ZFYVE28: variants seen among roughly 807,000 people sequenced by gnomAD.
The protein encoded by ZFYVE28 is lateral signaling target protein 2 homolog.
A neutral mutation model predicts 82.1 loss-of-function variants in ZFYVE28; 40 were observed. The observed-to-expected ratio is 0.49, with a 90% CI of 0.38 to 0.63. The LOEUF (loss-of-function observed/expected upper bound fraction) is 0.63, where lower values mean the gene tolerates loss of function less well. Among genes scored for constraint, ZFYVE28 ranks in the 30% least tolerant of loss-of-function variants. The pLI, the probability that ZFYVE28 is intolerant of heterozygous loss-of-function variation, is 0.00. For missense variants in ZFYVE28, 1,321 were observed against 1,242.1 expected, an observed-to-expected ratio of 1.06 and a Z score of -0.96; for synonymous variants, 612 against 546.1, an observed-to-expected ratio of 1.12 and a Z score of -1.68.
At position 2,273,234 on chromosome 4, in the gene ZFYVE28, T is replaced by C; in HGVS notation, c.2262A>G (p.Lys754=). The change falls in exon 10 of 13, where the codon AAA becomes AAG. Residue 754 remains lysine (K), a synonymous_variant. Coordinates refer to ENST00000290974, the MANE Select transcript of ZFYVE28 (RefSeq NM_020972.3). The part of the protein sequence containing the change: ...NYASDLRSIL[K]TLFEVMATKP... ...TGGTGGCCATGACCTCAAACAGTGT[T>C]TTAAGAATACTTCTCAGGTCACTGG... is the stretch of plus-strand genomic sequence containing the variant. 1 of 1,613,866 alleles carries C rather than the reference T, an allele frequency of 6.2e-7. No individual in the cohort carries two copies. The highest frequency in any genetic ancestry group is 8.5e-7 in the Non-Finnish European group (1 of 1,179,928).
At chr4:2,298,673 G>A (rs1577961184) in intron 8 of ZFYVE28, among the ~76,000 whole-genome samples, 1 of 152,320 alleles carries the variant, frequency 6.6e-6, no homozygotes, top group East Asian at 1.9e-4. Flanking sequence ...AGGGAAGGGA[G>A]GACTCAAGTA....
intron 2 of ZFYVE28, among the ~76,000 whole-genome samples, chr4:2,348,991 C>G (rs1390053052): frequency 1.3e-5 from 2 of 152,088 alleles, no homozygotes; most frequent in African/African-American, 4.8e-5. Flanking sequence ...GCAAACAACC[C>G]CTTGTTTTCT....
intron 5 of ZFYVE28, among the ~76,000 whole-genome samples, chr4:2,336,194 G>T (rs977487741): frequency 6.6e-6 from 1 of 152,142 alleles, no homozygotes; most frequent in African/African-American, 2.4e-5. Flanking sequence ...CAAAAATACT[G>T]CCCCAAACAA....
At chr4:2,303,665 A>G (rs1489960060) in intron 8 of ZFYVE28, among the ~76,000 whole-genome samples, 2 of 151,212 alleles carry the variant, frequency 1.3e-5, no homozygotes, top group Non-Finnish European at 2.9e-5. Flanking sequence ...GAGATAGGAG[A>G]CCTCCCCATC....
At chr4:2,301,582 T>C (rs968141372) in intron 8 of ZFYVE28, among the ~76,000 whole-genome samples, 1 of 152,126 alleles carries the variant, frequency 6.6e-6, no homozygotes, top group Non-Finnish European at 1.5e-5. Flanking sequence ...GTGTCCATCA[T>C]GGGGCACAGA....
At chr4:2,399,557 G>A (rs976241976) in intron 1 of ZFYVE28, among the ~76,000 whole-genome samples, 2 of 152,188 alleles carry the variant, frequency 1.3e-5, no homozygotes, top group Non-Finnish European at 2.9e-5. Context: ...TCAAAGCCTG[G>A]CACATCATAC....
At position 2,395,731 on chromosome 4, in the gene ZFYVE28, G is replaced by A. The variant is rs73791714; in HGVS notation, c.39+22554C>T. 3.9e-3 allele frequency among the ~76,000 whole-genome samples: 598 copies of A among 152,294 alleles called. 4 individuals carry two copies. Among genetic ancestry groups the A allele is most frequent in the African/African-American group, 0.013 (558 of 41,556 alleles). On this transcript the variant is annotated intron_variant, in intron 1 of 12. Coordinates refer to ENST00000290974, the MANE Select transcript of ZFYVE28 (RefSeq NM_020972.3). ...GAACGCCAGGCCAGAAGAGGTGGCC[G>A]GACCCAACACGCCAGGGACAGCCTT...
intron 7 of ZFYVE28, among the ~76,000 whole-genome samples, chr4:2,310,831 CTTTT>C (rs1036429146): frequency 6.6e-6 from 1 of 152,034 alleles, no homozygotes; most frequent in African/African-American, 2.4e-5. Flanking sequence ...TAGAAAATGT[CTTTT>C]TTTCTATTCC....
intron 2 of ZFYVE28, among the ~76,000 whole-genome samples, chr4:2,350,600 C>G (rs1435220918): frequency 6.6e-6 from 1 of 152,170 alleles, no homozygotes; most frequent in Non-Finnish European, 1.5e-5. Flanking sequence ...CTGGGGGGCC[C>G]TAGACAGCTT....
In ZFYVE28 at chr4:2,293,935, A is replaced by T. The variant is rs545088811; in HGVS notation, c.2051+10354T>A. Among the ~76,000 whole-genome samples, 33 of 152,272 alleles carry T rather than the reference A, an allele frequency of 2.2e-4. No individual in the cohort carries two copies. The South Asian group carries it at 6.8e-3, about 32-fold the overall frequency. ...AAGACCTGTACAGTTAAAAACCATA[A>T]AACTTTGCTGAGATAAATTAAAGGC... On this transcript the variant is annotated intron_variant, in intron 8 of 12. Coordinates refer to ENST00000290974, the MANE Select transcript of ZFYVE28 (RefSeq NM_020972.3).
intron 8 of ZFYVE28, among the ~76,000 whole-genome samples, chr4:2,277,599 A>C (rs994184805): frequency 1.3e-5 from 2 of 152,234 alleles, no homozygotes; most frequent in Non-Finnish European, 2.9e-5. Flanking sequence ...AATAGCATAA[A>C]AAAGATTAAA....
At position 2,339,064 on chromosome 4, in the gene ZFYVE28, G is replaced by A. The variant is rs1023263426; in HGVS notation, c.521+389C>T. ...TCTGACCTCATGATCCGCCTGCCTCGGCCTCTCAACGTGCTGGGATTACAG... is the reference window on the plus strand; with the variant it reads ...TCTGACCTCATGATCCGCCTGCCTCAGCCTCTCAACGTGCTGGGATTACAG... On this transcript the variant is annotated intron_variant, in intron 4 of 12. Coordinates refer to ENST00000290974, the MANE Select transcript of ZFYVE28 (RefSeq NM_020972.3). This position sits in a 1 kb window ranked among gnomAD's most constrained non-coding sequence, Gnocchi z 5.0. Among the ~76,000 whole-genome samples the A allele has an allele frequency of 1.3e-5, 2 of 152,092 alleles. No homozygotes were observed. Among genetic ancestry groups the A allele is most frequent in the African/African-American group, 4.8e-5 (2 of 41,418 alleles).
Position 2,341,652 on chromosome 4 carries a change from G to A in ZFYVE28, c.181-37C>T. On this transcript the variant is annotated intron_variant, in intron 2 of 12. Coordinates refer to ENST00000290974, the MANE Select transcript of ZFYVE28 (RefSeq NM_020972.3). This position sits in a 1 kb window ranked among gnomAD's most constrained non-coding sequence, Gnocchi z 4.5. ...GACAGGAGAAAGTGCGCCAATCGCT[G>A]TGTCCAGCTGGCGGCCGCCATGTAC... The A allele has an allele frequency of 6.3e-7, 1 of 1,591,512 alleles. No individual in the cohort carries two copies. The highest frequency in any genetic ancestry group is 8.6e-7 in the Non-Finnish European group (1 of 1,162,582).
chr4:2,319,468 G>C (rs1327628948), intron 7 of ZFYVE28, among the ~76,000 whole-genome samples: 3 of 152,144 alleles, frequency 2.0e-5, no homozygotes, highest in African/African-American at 7.2e-5. Flanking sequence ...GGCCCTCATG[G>C]GGCAGAGTTC....
chr4:2,339,601 GCATGGCCATGCTCTCCAGCTCCCGGTT>G lies in ZFYVE28; in HGVS notation c.346_372del (p.Asn116_Met124del). ...CGCGTCAGCTCCTTGGCCAGCGGGC[GCATGGCCATGCTCTCCAGCTCCCGGTT>G]CATGATGATGGAGCCGGCGGCCAGG... On this transcript the variant is annotated inframe_deletion, in exon 4 of 13. Coordinates refer to ENST00000290974, the MANE Select transcript of ZFYVE28 (RefSeq NM_020972.3). The surrounding 1 kb of genome is among the most constrained non-coding windows in gnomAD (Gnocchi z 5.0). The G allele has an allele frequency of 6.2e-7, 1 of 1,610,826 alleles. No homozygotes were observed. Among genetic ancestry groups the G allele is most frequent in the Non-Finnish European group, 8.5e-7 (1 of 1,178,930 alleles).
At chr4:2,393,098 A>T (rs1730010853) in intron 1 of ZFYVE28, among the ~76,000 whole-genome samples, 1 of 152,212 alleles carries the variant, frequency 6.6e-6, no homozygotes, top group Non-Finnish European at 1.5e-5. Flanking sequence ...GGACGCTGTC[A>T]TATTGATCAT....
intron 1 of ZFYVE28, among the ~76,000 whole-genome samples, chr4:2,396,048 CAAGCTATCCTGCAGA>C (rs1442855694): frequency 2.8e-4 from 43 of 151,070 alleles, no homozygotes; most frequent in Non-Finnish European, 3.8e-4. Flanking sequence ...GCTGATGGGA[CAAGCTATCCTGCAGA>C]GGGGACCCAA....
chr4:2,404,731 T>C (rs1731646728), intron 1 of ZFYVE28, among the ~76,000 whole-genome samples: 1 of 152,118 alleles, frequency 6.6e-6, no homozygotes, highest in African/African-American at 2.4e-5. Context: ...TATGGGATGA[T>C]GGAAAAGCTT....
intron 8 of ZFYVE28, among the ~76,000 whole-genome samples, chr4:2,278,174 T>C (rs1736646299): frequency 6.6e-6 from 1 of 151,630 alleles, no homozygotes; most frequent in Non-Finnish European, 1.5e-5. Flanking sequence ...TCACTCGAAA[T>C]GAATCATATA....
Sources: gnomAD v4.1 joint callset for allele counts (sites outside exome capture counted in the v4.1 genomes callset) on GRCh38, gnomAD v4.1.1 for gene constraint, Gnocchi (gnomAD v3.1) non-coding constraint, MANE v1.5 for transcripts, NCBI Gene and HGNC (gene_info 2026-07-23, HGNC 2026-07-21) for gene names.